TTC7B: variants seen among roughly 807,000 people sequenced by gnomAD.
TTC7B encodes tetratricopeptide repeat protein 7B.
In TTC7B, 28 loss-of-function variants were observed where a neutral mutation model predicts 106.8. The observed-to-expected ratio is 0.26, with a 90% CI of 0.19 to 0.36. The LOEUF is 0.36. Among genes scored for constraint, TTC7B ranks in the 10% least tolerant of loss-of-function variants. The pLI, the probability that TTC7B is intolerant of heterozygous loss-of-function variation, is 1.00. For synonymous variants in TTC7B, 405 were observed against 430.6 expected (o/e 0.94, Z 0.74); for missense variants, 862 against 1,076.4 (o/e 0.80, Z 2.79).
rs145731386 is a variant in TTC7B at position 90,800,971 on chromosome 14, T to A, written c.122-14643A>T. Among the ~76,000 whole-genome samples, 439 of 152,084 alleles carry A rather than the reference T, an allele frequency of 2.9e-3. 2 individuals are homozygous for A. The highest frequency in any genetic ancestry group is 4.5e-3 in the Non-Finnish European group (307 of 67,950). ...GAGGCTGAGGCAGGAGGATTGCTTG[T>A]GCCCAGGAGTTTGAGACCAGGCTAT... is the stretch of plus-strand genomic sequence containing the variant. On this transcript the variant is annotated intron_variant, in intron 1 of 19. Transcript: ENST00000328459.
intron 19 of TTC7B, among the ~76,000 whole-genome samples, chr14:90,567,093 T>A (rs1469254235): frequency 1.3e-5 from 2 of 152,148 alleles, no homozygotes. Flanking sequence ...CATCCGTGGA[T>A]CTGTGCAGGG....
Position 90,541,354 on chromosome 14 carries a change from T to G in TTC7B, c.*14A>C. The G allele has an allele frequency of 6.4e-7, 1 of 1,569,930 alleles. No individual in the cohort carries two copies. Among genetic ancestry groups the G allele is most frequent in the Non-Finnish European group, 8.6e-7 (1 of 1,157,470 alleles). On this transcript the variant is annotated 3_prime_UTR_variant, in exon 20 of 20. Transcript: ENST00000328459. ...CTGAGGCCTGAGCGGCAGGTGAGGC[T>G]GGCAGGCGCCTGCTCAGAGCACGCG... is the stretch of plus-strand genomic sequence containing the variant.
chr14:90,712,108 T>C (rs901417889), intron 5 of TTC7B, among the ~76,000 whole-genome samples: 1 of 152,174 alleles, frequency 6.6e-6, no homozygotes, highest in Middle Eastern at 3.2e-3. Context: ...GTGGCTATAT[T>C]AATACCTGGT....
At chr14:90,576,692 G>A (rs776667638) in intron 19 of TTC7B, among the ~76,000 whole-genome samples, 3 of 152,118 alleles carry the variant, frequency 2.0e-5, no homozygotes, top group Non-Finnish European at 2.9e-5. Flanking sequence ...GGCTTAGTTC[G>A]AGTGCAGATG....
In TTC7B at chr14:90,530,958, T is replaced by A. The variant is rs535562658; in HGVS notation, c.*10410A>T. On this transcript the variant is annotated 3_prime_UTR_variant, in exon 20 of 20. Transcript: ENST00000328459. ...TGTGTTCCCCAATAACCTATGAAAA[T>A]AAAAAATTAAAATTCTATAGAATTT... 6.6e-6 allele frequency: 1 copy of A among 152,068 alleles called. No homozygotes were observed. Among genetic ancestry groups the A allele is most frequent in the South Asian group, 2.1e-4 (1 of 4,818 alleles). 9.4% of individuals were successfully genotyped at this position (152,068 alleles called of 1,614,324 possible). A position where few individuals can be genotyped will look rare whatever the true frequency, so the allele number is the denominator to read the frequency against.
chr14:90,766,657 G>A (rs1184801145), intron 3 of TTC7B: 1 of 1,242,930 alleles, frequency 8.0e-7, no homozygotes, highest in Non-Finnish European at 1.2e-6. Context: ...ATATGTTCAT[G>A]TGGTGTTGAG....
chr14:90,770,127 C>T (rs1038103313), intron 3 of TTC7B, among the ~76,000 whole-genome samples: 4 of 152,072 alleles, frequency 2.6e-5, no homozygotes, highest in South Asian at 4.2e-4. Flanking sequence ...CCAGCCTGGG[C>T]GACAGAATGA....
Position 90,537,043 on chromosome 14 carries a change from C to T in TTC7B, c.*4325G>A, listed in dbSNP as rs968228748. On this transcript the variant is annotated 3_prime_UTR_variant, in exon 20 of 20. Transcript: ENST00000328459. The stretch of plus-strand genomic sequence containing the variant: ...AGCCAAGGCCGCAGGAAGCCTCTAG[C>T]CGCTGGAGAAGACGGGGACACCCGT... 1.3e-5 allele frequency: 2 copies of T among 152,258 alleles called. No individual in the cohort carries two copies. Among genetic ancestry groups the T allele is most frequent in the African/African-American group, 4.8e-5 (2 of 41,456 alleles). 9.4% of individuals were successfully genotyped at this position (152,258 alleles called of 1,614,324 possible).
At chr14:90,598,772 C>T (rs190370163) in intron 17 of TTC7B, among the ~76,000 whole-genome samples, 216 of 152,362 alleles carry the variant, frequency 1.4e-3, no homozygotes, top group African/African-American at 4.9e-3. Flanking sequence ...TTCACATAGA[C>T]CTCAGCTGTG....
intron 16 of TTC7B, 64 bp downstream of exon 16, chr14:90,617,865 G>A (rs1893147254): frequency 7.8e-7 from 1 of 1,280,578 alleles, no homozygotes; most frequent in Non-Finnish European, 1.1e-6. Context: ...GCCAATCAGA[G>A]AAGGCACTGA....
chr14:90,700,001 A>G (rs917918480), intron 5 of TTC7B, among the ~76,000 whole-genome samples: 1 of 152,206 alleles, frequency 6.6e-6, no homozygotes, highest in African/African-American at 2.4e-5. Flanking sequence ...ATGAAAAAGA[A>G]CCATCATGAG....
At chr14:90,627,898 T>C (rs1399723830) in intron 15 of TTC7B, among the ~76,000 whole-genome samples, 1 of 152,208 alleles carries the variant, frequency 6.6e-6, no homozygotes, top group East Asian at 1.9e-4. Context: ...AAGCTGGAGA[T>C]GACCTGGTCA....
intron 3 of TTC7B, among the ~76,000 whole-genome samples, chr14:90,756,203 G>T (rs1890287755): frequency 6.6e-6 from 1 of 152,120 alleles, no homozygotes. Context: ...CAGTGAACAG[G>T]AGTCCTGTGC....
At chr14:90,665,660 A>G (rs376902795) in intron 9 of TTC7B, among the ~76,000 whole-genome samples, 1 of 152,266 alleles carries the variant, frequency 6.6e-6, no homozygotes, top group South Asian at 2.1e-4. Context: ...GATACCCCTC[A>G]AATTTAGCCT....
intron 4 of TTC7B, among the ~76,000 whole-genome samples, chr14:90,732,855 A>AT (rs1387445106): frequency 6.6e-6 from 1 of 152,106 alleles, no homozygotes; most frequent in African/African-American, 2.4e-5. Flanking sequence ...CATCTCTCAG[A>AT]TATCAGCTTG....
chr14:90,619,329 G>A (rs1281093948), intron 15 of TTC7B, among the ~76,000 whole-genome samples: 4 of 152,152 alleles, frequency 2.6e-5, no homozygotes, highest in Non-Finnish European at 5.9e-5. Flanking sequence ...TGTCTCATCC[G>A]ATTGGACCCT....
At chr14:90,687,186 T>C (rs1241145149) in intron 7 of TTC7B, among the ~76,000 whole-genome samples, 1 of 152,340 alleles carries the variant, frequency 6.6e-6, no homozygotes, top group African/African-American at 2.4e-5. Flanking sequence ...AATGGATGAA[T>C]TGTATAATAT....
At chr14:90,648,624 T>C (rs1393734400) in intron 13 of TTC7B, 3 of 152,308 alleles carry the variant, frequency 2.0e-5, no homozygotes, top group Middle Eastern at 3.4e-3. Flanking sequence ...AACCCTGGGA[T>C]TACAGGCATA....
At position 90,541,646 on chromosome 14, in the gene TTC7B, C is replaced by G. The variant is rs1408277945; in HGVS notation, c.2311-57G>C. 5 of 1,379,670 alleles carry G rather than the reference C, an allele frequency of 3.6e-6. No individual in the cohort carries two copies. The African/African-American group carries it at 7.2e-5, about 20-fold the overall frequency. 85.5% of individuals were successfully genotyped at this position (1,379,670 alleles called of 1,614,324 possible). A position where few individuals can be genotyped will look rare whatever the true frequency, so the allele number is the denominator to read the frequency against. On this transcript the variant is annotated intron_variant, in intron 19 of 19. Coordinates refer to ENST00000328459, the MANE Select transcript of TTC7B (RefSeq NM_001010854.2). Reference sequence around the variant, plus strand: ...AGCCATGGAGGCTTCAGGAGCTCTGCATCCTACTTGTCCTCGAGTTTCCAG... The same window carrying G: ...AGCCATGGAGGCTTCAGGAGCTCTGGATCCTACTTGTCCTCGAGTTTCCAG...
Sources: gnomAD v4.1 joint callset for allele counts (sites outside exome capture counted in the v4.1 genomes callset) on GRCh38, gnomAD v4.1.1 for gene constraint, MANE v1.5 for transcripts, NCBI Gene and HGNC (gene_info 2026-07-23, HGNC 2026-07-21) for gene names.